Variants in SEC24A observed in about 807,000 individuals in gnomAD.
The protein encoded by SEC24A is protein transport protein Sec24A.
SEC24A carries 93 observed loss-of-function variants against 129.4 expected under a neutral mutation model. The ratio of observed to expected loss-of-function variants is 0.72; its 90% confidence interval spans 0.61 to 0.85. The LOEUF (loss-of-function observed/expected upper bound fraction) is 0.85, where lower values mean the gene tolerates loss of function less well. Ranked by LOEUF, SEC24A falls within the 40% of genes least tolerant of loss-of-function variation. The pLI is 0.00. For missense variants in SEC24A, 1,264 were observed against 1,307.4 expected (o/e 0.97, Z 0.51); for synonymous variants, 460 against 467.3 (o/e 0.98, Z 0.20).
At chr5:134,667,940 A>C (rs1750722820) in intron 3 of SEC24A, among the ~76,000 whole-genome samples, 1 of 152,078 alleles carries the variant, frequency 6.6e-6, no homozygotes, top group African/African-American at 2.4e-5. Flanking sequence ...TAGGCTGGGC[A>C]CAGTGTCTTA....
At chr5:134,658,898 G>A (rs1385879799) in intron 1 of SEC24A, among the ~76,000 whole-genome samples, 1 of 152,018 alleles carries the variant, frequency 6.6e-6, no homozygotes, top group Non-Finnish European at 1.5e-5. Flanking sequence ...GGTTGCCCCT[G>A]GGAAGTAGAT....
intron 3 of SEC24A, among the ~76,000 whole-genome samples, chr5:134,667,653 C>CAAA (rs1203841096): frequency 1.2e-4 from 5 of 41,038 alleles, no homozygotes; most frequent in South Asian, 8.1e-4. Flanking sequence ...GACTCCGTCT[C>CAAA]AAAAAAAAAA....
At position 134,666,977 on chromosome 5, in the gene SEC24A, T is replaced by A. The variant is rs1750685026; in HGVS notation, c.720T>A (p.Asn240Lys). The A allele has an allele frequency of 6.3e-7, 1 of 1,574,808 alleles. No homozygotes were observed. The highest frequency in any genetic ancestry group is 8.6e-7 in the Non-Finnish European group (1 of 1,166,298). Residue 240 changes from asparagine (N) to lysine (K), a missense_variant, in exon 3 of 23, where the codon AAT becomes AAA. By Grantham distance (94) the Asn-to-Lys change is moderately conservative. Coordinates refer to ENST00000398844, the MANE Select transcript of SEC24A (RefSeq NM_021982.3). ...GAGATGTACCCCAGCCCTTATTTAA[T>A]TCAGCTGTCAACCAAGAAGGTAAGT... Reference protein sequence around the residue: ...SYRDVPQPLFNSAVNQEGITS... With the variant: ...SYRDVPQPLFKSAVNQEGITS...
rs185509628 is a variant in SEC24A, at chr5:134,659,029, A to G, written c.98-2090A>G. Among the ~76,000 whole-genome samples, 191 of 151,016 alleles carry G rather than the reference A, an allele frequency of 1.3e-3. 4 individuals are homozygous for G. The highest frequency in any genetic ancestry group is 1.2e-3 in the Non-Finnish European group (80 of 67,852). On this transcript the variant is annotated intron_variant, in intron 1 of 22. Transcript: ENST00000398844. ...AGTAGCGTATTCTGGACCCCTTCACAATCACTGACCCATTTATTTTTATTT... is the reference window on the plus strand; with the variant it reads ...AGTAGCGTATTCTGGACCCCTTCACGATCACTGACCCATTTATTTTTATTT...
In SEC24A at chr5:134,662,255, C is replaced by T. The variant is rs185794198; in HGVS notation, c.565+669C>T. ...CTGCAAGCTCTGCCTCCCGGGTTCA[C>T]GCCATTCTCCTGCCTCAGCCTCCCG... On this transcript the variant is annotated intron_variant, in intron 2 of 22. Transcript: ENST00000398844. Among the ~76,000 whole-genome samples the T allele has an allele frequency of 4.6e-4, 70 of 151,802 alleles. No individual in the cohort carries two copies. The East Asian group carries it at 5.8e-3, about 13-fold the overall frequency.
intron 15 of SEC24A, among the ~76,000 whole-genome samples, chr5:134,700,408 C>T (rs1214087445): frequency 6.6e-6 from 1 of 151,872 alleles, no homozygotes; most frequent in Non-Finnish European, 1.5e-5. Context: ...TCTGTAGAGA[C>T]AGGGTCTTAC....
chr5:134,655,088 G>A (rs980546577), intron 1 of SEC24A, among the ~76,000 whole-genome samples: 2 of 151,980 alleles, frequency 1.3e-5, no homozygotes, highest in East Asian at 1.9e-4. Context: ...TGATCTGCCC[G>A]CCTGAGCCAA....
In SEC24A at chr5:134,685,965, G is replaced by A. The variant is rs117659778; in HGVS notation, c.1492-825G>A. On this transcript the variant is annotated intron_variant, in intron 9 of 22. Transcript: ENST00000398844. ...GATCACACCACTGCTCTCCAGCATG[G>A]GGGACACAGCGAGACTCCATCTCAA... Among the ~76,000 whole-genome samples, 161 of 152,000 alleles carry A rather than the reference G, an allele frequency of 1.1e-3. 1 individual carries two copies. The East Asian group carries it at 0.027, about 25-fold the overall frequency.
At chr5:134,685,590 A>G (rs917615916) in intron 9 of SEC24A, among the ~76,000 whole-genome samples, 1 of 152,184 alleles carries the variant, frequency 6.6e-6, no homozygotes, top group African/African-American at 2.4e-5. Flanking sequence ...AATCTCTTGC[A>G]GATACCAAGG....
At chr5:134,695,582 C>T (rs1041615956) in intron 13 of SEC24A, among the ~76,000 whole-genome samples, 5 of 151,770 alleles carry the variant, frequency 3.3e-5, no homozygotes, top group South Asian at 2.1e-4. Flanking sequence ...TTCAGGTGTT[C>T]GAGACTAGCC....
chr5:134,666,584 G>A (rs532817369), intron 2 of SEC24A, among the ~76,000 whole-genome samples: 1 of 147,338 alleles, frequency 6.8e-6, no homozygotes, highest in East Asian at 2.1e-4. Context: ...AGAAAAGAAA[G>A]AAAGAAAGAA....
At chr5:134,664,859 C>T (rs71587537) in intron 2 of SEC24A, among the ~76,000 whole-genome samples, 8 of 124,728 alleles carry the variant, frequency 6.4e-5, no homozygotes, top group Non-Finnish European at 9.5e-5. Context: ...AGTGCAGTGG[C>T]GCAATCTCGG....
At chr5:134,721,767 G>C (rs542951731) in intron 21 of SEC24A, among the ~76,000 whole-genome samples, 54 of 152,142 alleles carry the variant, frequency 3.5e-4, no homozygotes, top group African/African-American at 1.3e-3. Flanking sequence ...AGCTACTTAC[G>C]AGGCTGAAAT....
chr5:134,675,916 C>T, intron 6 of SEC24A, 107 bp from the exon 7 acceptor site: 1 of 698,066 alleles, frequency 1.4e-6, no homozygotes, highest in South Asian at 2.3e-5. Flanking sequence ...AATATTTCAT[C>T]TGTAATCTGA....
At chr5:134,655,656 A>G (rs1204032423) in intron 1 of SEC24A, among the ~76,000 whole-genome samples, 1 of 152,084 alleles carries the variant, frequency 6.6e-6, no homozygotes, top group Non-Finnish European at 1.5e-5. Context: ...CGACAGAGCA[A>G]GAATTCATCT....
intron 11 of SEC24A, among the ~76,000 whole-genome samples, chr5:134,688,955 C>T (rs1418345331): frequency 6.6e-6 from 1 of 152,200 alleles, no homozygotes; most frequent in Non-Finnish European, 1.5e-5. Flanking sequence ...ACTGGGATTA[C>T]AGGCATGAGC....
intron 18 of SEC24A, among the ~76,000 whole-genome samples, chr5:134,713,017 C>T (rs1354583657): frequency 2.7e-5 from 4 of 147,800 alleles, no homozygotes; most frequent in Non-Finnish European, 4.4e-5. Flanking sequence ...CTGCAAGCTC[C>T]GCCTCCCGGG....
At position 134,698,013 on chromosome 5, in the gene SEC24A, G is replaced by A. The variant is rs760598426; in HGVS notation, c.2222G>A (p.Arg741Gln). Residue 741 changes from arginine to glutamine, a missense_variant, in exon 15 of 23, where the codon CGG (arginine) becomes CAG (glutamine). Coordinates refer to ENST00000398844, the MANE Select transcript of SEC24A (RefSeq NM_021982.3). ...LQKELQRYLT[R>Q]KIGFEAVMRI... is the part of the protein sequence containing the mutation. ...AAGGAACTACAGAGATACCTTACTC[G>A]GAAGATTGGCTTTGAGGCAGTCATG... The A allele has an allele frequency of 8.1e-6, 13 of 1,613,828 alleles. No individual in the cohort carries two copies. In the East Asian group the frequency reaches 1.1e-4, roughly 14 times the overall value.
At chr5:134,653,649 T>C (rs1481603712) in intron 1 of SEC24A, among the ~76,000 whole-genome samples, 2 of 148,784 alleles carry the variant, frequency 1.3e-5, no homozygotes, top group Non-Finnish European at 1.5e-5. Context: ...AGGATTGTTT[T>C]AGCCCAAGAA....
Sources: allele counts gnomAD v4.1 joint callset (sites outside exome capture counted in the v4.1 genomes callset), GRCh38; gene constraint gnomAD v4.1.1; transcripts MANE v1.5; gene names NCBI Gene and HGNC (gene_info 2026-07-23, HGNC 2026-07-21).